SEPSECS: variants seen among roughly 807,000 people sequenced by gnomAD.
SEPSECS encodes O-phosphoseryl-tRNA(Sec) selenium transferase.
In SEPSECS, 42 loss-of-function variants were observed where a neutral mutation model predicts 52.1. The observed-to-expected ratio is 0.81, with a 90% CI of 0.63 to 1.04. SEPSECS has a LOEUF of 1.04. Ranked by LOEUF, SEPSECS falls within the 50% of genes least tolerant of loss-of-function variation. SEPSECS has a pLI of 0.00. For synonymous variants in SEPSECS, 216 were observed against 211.4 expected (o/e 1.02, Z -0.19); for missense variants, 590 against 610.6 (o/e 0.97, Z 0.36).
At chr4:25,157,472 C>T (rs549388999) in intron 2 of SEPSECS, among the ~76,000 whole-genome samples, 7 of 152,256 alleles carry the variant, frequency 4.6e-5, no homozygotes, top group African/African-American at 1.7e-4. Context: ...ATGTTTTAAG[C>T]CACTTAATTT....
chr4:25,124,294 A>T lies in SEPSECS; in HGVS notation c.1212-69T>A, dbSNP rs1728270072. ...TAACACAATGTCACCCATAAACAAAAGATATGTGTTACAAAGCCTTACATC... is the reference window on the plus strand; with the variant it reads ...TAACACAATGTCACCCATAAACAAATGATATGTGTTACAAAGCCTTACATC... On this transcript the variant is annotated intron_variant, in intron 10 of 10. Transcript: ENST00000382103. 7.6e-6 allele frequency: 11 copies of T among 1,450,032 alleles called. No individual in the cohort carries two copies. In the South Asian group the frequency reaches 1.3e-4, roughly 17 times the overall value. The allele number at this position is 1,450,032 out of a possible 1,614,324, so 89.8% of individuals were successfully genotyped here. A position where few individuals can be genotyped will look rare whatever the true frequency, so the allele number is the denominator to read the frequency against.
intron 5 of SEPSECS, 57 bp downstream of exon 5, chr4:25,154,941 A>G (rs923828845): frequency 1.3e-6 from 2 of 1,513,712 alleles, no homozygotes; most frequent in Admixed American, 3.3e-5. Context: ...GAGAATTAGT[A>G]TATTTTATTT....
intron 4 of SEPSECS, 107 bp from the exon 5 acceptor site, chr4:25,155,258 T>C: frequency 8.1e-7 from 1 of 1,234,260 alleles, no homozygotes; most frequent in Non-Finnish European, 1.2e-6. Flanking sequence ...TAATATTTAT[T>C]TTGGTAGATT....
intron 4 of SEPSECS, 88 bp downstream of exon 4, chr4:25,155,949 G>A (rs987774437): frequency 1.6e-6 from 2 of 1,272,128 alleles, no homozygotes; most frequent in Non-Finnish European, 2.2e-6. Flanking sequence ...AAGAGAGTTA[G>A]TTTATTTTTC....
At chr4:25,130,807 T>C (rs1030493037) in intron 8 of SEPSECS, among the ~76,000 whole-genome samples, 2 of 152,314 alleles carry the variant, frequency 1.3e-5, no homozygotes, top group East Asian at 3.9e-4. Context: ...AGCAGTTTTT[T>C]ACCTGATATA....
chr4:25,158,740 A>C (rs1347450508), intron 2 of SEPSECS, among the ~76,000 whole-genome samples: 1 of 152,182 alleles, frequency 6.6e-6, no homozygotes, highest in Non-Finnish European at 1.5e-5. Context: ...GGTAACCCCC[A>C]CTTAGTTTTT....
rs1160324693 is a variant in SEPSECS, at chr4:25,149,346, G to A, written c.804+2614C>T. Among the ~76,000 whole-genome samples the A allele has an allele frequency of 2.6e-5, 4 of 152,024 alleles. No homozygotes were observed. The East Asian group carries it at 5.8e-4, about 22-fold the overall frequency. On this transcript the variant is annotated intron_variant, in intron 6 of 10. Coordinates refer to ENST00000382103, the MANE Select transcript of SEPSECS (RefSeq NM_016955.4). ...CTTCCAAAGTGCTGGAATTACAGAG[G>A]GGAGCCACCACACCCAGCCTCTCTT...
chr4:25,156,568 C>T (rs556044231), intron 3 of SEPSECS, among the ~76,000 whole-genome samples: 1 of 151,532 alleles, frequency 6.6e-6, no homozygotes, highest in African/African-American at 2.4e-5. Context: ...ATTAGCCAGG[C>T]GTGGCGGTGG....
chr4:25,160,109 G>C (rs1712971867), intron 1 of SEPSECS, 147 bp downstream of exon 1: 1 of 1,450,884 alleles, frequency 6.9e-7, no homozygotes, highest in African/African-American at 1.4e-5. Context: ...ACCGCAGTCG[G>C]TCAGCTAGGG....
chr4:25,149,426 G>A (rs1184024884), intron 6 of SEPSECS, among the ~76,000 whole-genome samples: 1 of 151,866 alleles, frequency 6.6e-6, no homozygotes, highest in Non-Finnish European at 1.5e-5. Context: ...AAAATATGTT[G>A]TATCATTAAA....
intron 6 of SEPSECS, among the ~76,000 whole-genome samples, chr4:25,148,188 TA>T (rs1453277208): frequency 6.6e-6 from 1 of 151,696 alleles, no homozygotes. Context: ...CCGTCTCTAC[TA>T]AAAAATACAA....
intron 8 of SEPSECS, among the ~76,000 whole-genome samples, chr4:25,131,972 G>A (rs1272843292): frequency 6.6e-6 from 1 of 152,172 alleles, no homozygotes; most frequent in Admixed American, 6.5e-5. Flanking sequence ...AAAAGATACA[G>A]TCTTACATTT....
intron 5 of SEPSECS, among the ~76,000 whole-genome samples, chr4:25,152,863 T>C (rs1200720977): frequency 6.6e-6 from 1 of 152,006 alleles, no homozygotes; most frequent in Non-Finnish European, 1.5e-5. Flanking sequence ...AGTAAAATTA[T>C]TAAAAGTTTT....
intron 4 of SEPSECS, 119 bp from the exon 5 acceptor site, chr4:25,155,270 A>G: frequency 9.0e-7 from 1 of 1,116,282 alleles, no homozygotes; most frequent in Admixed American, 2.0e-5. Flanking sequence ...TGGTAGATTA[A>G]CCTTCCTCTG....
chr4:25,145,600 T>G (rs1711912542), intron 6 of SEPSECS, among the ~76,000 whole-genome samples: 1 of 152,196 alleles, frequency 6.6e-6, no homozygotes, highest in South Asian at 2.1e-4. Context: ...ACCTTAAAAT[T>G]TGATAAGAAA....
At position 25,125,778 on chromosome 4, in the gene SEPSECS, G is replaced by A. The variant is rs373005588; in HGVS notation, c.1127C>T (p.Thr376Ile). The change falls in exon 10 of 11, where the codon ACA becomes ATA. Residue 376 changes from threonine to isoleucine, a missense_variant. Coordinates refer to ENST00000382103, the MANE Select transcript of SEPSECS (RefSeq NM_016955.4). The part of the protein sequence containing the change: ...TPHNPISLAM[T>I]LKTLDEHRDK... ...ACGGTGTTCATCTAGTGTTTTAAGT[G>A]TCATAGCTGAAAAAGAAAAAAGTAT... 5.6e-6 allele frequency: 9 copies of A among 1,609,778 alleles called. No homozygotes were observed. Among genetic ancestry groups the A allele is most frequent in the African/African-American group, 2.7e-5 (2 of 74,828 alleles).
intron 8 of SEPSECS, among the ~76,000 whole-genome samples, chr4:25,140,061 T>C (rs561097046): frequency 2.6e-5 from 4 of 152,336 alleles, no homozygotes; most frequent in African/African-American, 9.6e-5. Context: ...AGTTGTAAGA[T>C]TATATCCTTA....
chr4:25,129,194 A>G (rs1728510960), intron 8 of SEPSECS, among the ~76,000 whole-genome samples: 1 of 152,192 alleles, frequency 6.6e-6, no homozygotes, highest in Non-Finnish European at 1.5e-5. Context: ...TACCTAATGA[A>G]GCTATTAATA....
chr4:25,143,150 A>C (rs1343851190), intron 8 of SEPSECS, among the ~76,000 whole-genome samples: 1 of 152,224 alleles, frequency 6.6e-6, no homozygotes, highest in African/African-American at 2.4e-5. Flanking sequence ...TTTGGAGTTT[A>C]TAAAACCAGA....
Sources: allele counts gnomAD v4.1 joint callset (sites outside exome capture counted in the v4.1 genomes callset), GRCh38; gene constraint gnomAD v4.1.1; transcripts MANE v1.5; gene names NCBI Gene and HGNC (gene_info 2026-07-23, HGNC 2026-07-21).